LPCAT3: variants seen among roughly 807,000 people sequenced by gnomAD.
LPCAT3 encodes the protein lysophospholipid acyltransferase 5.
In LPCAT3, 21 loss-of-function variants were observed where a neutral mutation model predicts 63.4. The ratio of observed to expected loss-of-function variants is 0.33; its 90% CI spans 0.23 to 0.48. The LOEUF is 0.48. Ranked by LOEUF, LPCAT3 falls within the 20% of genes least tolerant of loss-of-function variation. The probability of loss-of-function intolerance (pLI) is 0.99; values close to 1 mark genes in which losing one functional copy is unlikely to be tolerated. For missense variants in LPCAT3, 451 were observed against 590.6 expected (o/e 0.76, Z 2.45); for synonymous variants, 242 against 227.5 (o/e 1.06, Z -0.58).
At chr12:7,003,931 A>G (rs1345173597) in intron 1 of LPCAT3, among the ~76,000 whole-genome samples, 7 of 149,062 alleles carry the variant, frequency 4.7e-5, no homozygotes, top group Non-Finnish European at 7.4e-5. Context: ...TCCGTCTCAA[A>G]AAAAAAAAAA....
intron 1 of LPCAT3, among the ~76,000 whole-genome samples, chr12:6,993,379 A>G (rs1946606674): frequency 1.3e-5 from 2 of 151,552 alleles, no homozygotes; most frequent in African/African-American, 4.9e-5. Flanking sequence ...GATTGCAGTG[A>G]GCTGAGATTG....
intron 1 of LPCAT3, among the ~76,000 whole-genome samples, chr12:7,002,000 A>G (rs1455989128): frequency 1.2e-4 from 19 of 152,126 alleles, no homozygotes; most frequent in African/African-American, 3.9e-4. Flanking sequence ...CGTATTTTAG[A>G]TGCAGGGGCA....
intron 3 of LPCAT3, 80 bp downstream of exon 3, chr12:6,982,596 T>A (rs1401333623): frequency 6.5e-6 from 7 of 1,071,196 alleles, no homozygotes; most frequent in Non-Finnish European, 1.0e-5. Flanking sequence ...TGCTAATTTC[T>A]ATACCACAGT....
intron 1 of LPCAT3, among the ~76,000 whole-genome samples, chr12:7,013,188 G>A (rs1194159201): frequency 6.6e-6 from 1 of 152,236 alleles, no homozygotes; most frequent in Non-Finnish European, 1.5e-5. Flanking sequence ...GGTGACTGAA[G>A]GGCACTCCAG....
chr12:6,993,969 C>T (rs1555155796), intron 1 of LPCAT3, among the ~76,000 whole-genome samples: 1 of 152,080 alleles, frequency 6.6e-6, no homozygotes, highest in East Asian at 1.9e-4. Context: ...GGGTTGTTTC[C>T]ACTTTAGGAA....
intron 3 of LPCAT3, among the ~76,000 whole-genome samples, chr12:6,982,432 A>G (rs1268113848): frequency 6.6e-6 from 1 of 152,226 alleles, no homozygotes. Context: ...AAAGAGCCTA[A>G]TGGCACAGTA....
Position 7,017,583 on chromosome 12 carries a change from C to T in LPCAT3, c.151+691G>A, listed in dbSNP as rs192418584. Among the ~76,000 whole-genome samples, 11 of 152,242 alleles carry T rather than the reference C, an allele frequency of 7.2e-5. No homozygotes were observed. The East Asian group carries it at 1.9e-3, about 27-fold the overall frequency. On this transcript the variant is annotated intron_variant, in intron 1 of 12. Coordinates refer to ENST00000261407, the MANE Select transcript of LPCAT3 (RefSeq NM_005768.6). The surrounding 1 kb of genome is among the most constrained non-coding windows in gnomAD (Gnocchi z 4.1). ...GCTTGTTGTGGCATAAATTCAGATA[C>T]ACCACATCCTTTGAACCACACGTGT...
chr12:6,995,640 A>G (rs1555155950), intron 1 of LPCAT3, among the ~76,000 whole-genome samples: 1 of 151,560 alleles, frequency 6.6e-6, no homozygotes, highest in African/African-American at 2.4e-5. Flanking sequence ...TATGGATCTC[A>G]CCCTTAAATC....
At chr12:6,991,066 T>C (rs1174649726) in intron 1 of LPCAT3, among the ~76,000 whole-genome samples, 1 of 151,910 alleles carries the variant, frequency 6.6e-6, no homozygotes, top group Admixed American at 6.6e-5. Flanking sequence ...CCCAAAACAA[T>C]CAAAGAAATA....
intron 2 of LPCAT3, chr12:6,983,212 G>T: frequency 2.1e-6 from 1 of 484,276 alleles, no homozygotes; most frequent in Non-Finnish European, 3.7e-6. Flanking sequence ...ATGAGGTATG[G>T]CAAGGGTAAC....
chr12:7,018,403 C>T lies in LPCAT3; in HGVS notation c.22G>A (p.Asp8Asn), dbSNP rs782544965. Residue 8 changes from aspartate (D) to asparagine (N), a missense_variant, in exon 1 of 13, where the codon GAC (aspartate) becomes AAC (asparagine). Around this residue, in one of 3 missense-constraint regions of LPCAT3, gnomAD observed 133 missense variants for 152.1 expected, o/e 0.87. Coordinates refer to ENST00000261407, the MANE Select transcript of LPCAT3 (RefSeq NM_005768.6). The surrounding 1 kb of genome is among the most constrained non-coding windows in gnomAD (Gnocchi z 4.9). Reference sequence around the variant, plus strand: ...GCCAGCGCCACCACAGTCCCCTCGTCCCCCTCCGCTGAGGACGCCATCTTA... The same window carrying T: ...GCCAGCGCCACCACAGTCCCCTCGTTCCCCTCCGCTGAGGACGCCATCTTA... The part of the protein sequence containing the change: MASSAEG[D>N]EGTVVALAGV... 9.3e-6 allele frequency: 15 copies of T among 1,610,232 alleles called. No homozygotes were observed. Among genetic ancestry groups the T allele is most frequent in the Admixed American group, 1.7e-5 (1 of 59,702 alleles).
chr12:6,977,505 C>T lies in LPCAT3; in HGVS notation c.1209G>A (p.Glu403=), dbSNP rs1946420060. 1 of 1,614,054 alleles carries T rather than the reference C, an allele frequency of 6.2e-7. No homozygotes were observed. Among genetic ancestry groups the T allele is most frequent in the Non-Finnish European group, 8.5e-7 (1 of 1,180,040 alleles). Residue 403 remains glutamate, a synonymous_variant, in exon 11 of 13, where the codon GAG becomes GAA. Coordinates refer to ENST00000261407, the MANE Select transcript of LPCAT3 (RefSeq NM_005768.6). This position sits in a 1 kb window ranked among gnomAD's most constrained non-coding sequence, Gnocchi z 4.5. Reference sequence around the variant, plus strand: ...CGGCCAGCTTGCTCAGGGTGGGGCTCTCTTGAATGAGCCTGGCAGCCTGGG... The same window carrying T: ...CGGCCAGCTTGCTCAGGGTGGGGCTTTCTTGAATGAGCCTGGCAGCCTGGG... ...VERQAARLIQ[E]SPTLSKLAAI...
chr12:6,990,139 C>G (rs781798561), intron 1 of LPCAT3, among the ~76,000 whole-genome samples: 2 of 151,456 alleles, frequency 1.3e-5, no homozygotes, highest in Non-Finnish European at 2.9e-5. Flanking sequence ...GATGATGCCA[C>G]TGCACTCCAG....
Position 6,977,665 on chromosome 12 carries a change from T to G in LPCAT3, c.1121A>C (p.His374Pro). 6.2e-7 allele frequency: 1 copy of G among 1,614,226 alleles called. No individual in the cohort carries two copies. ...GLSLLFLALW[H>P]GLHSGYLVCF... Reference sequence around the variant, plus strand: ...GACCAGGTATCCTGAGTGCAGGCCGTGCCAGAGGGCCAGGAATAGCAACGA... The same window carrying G: ...GACCAGGTATCCTGAGTGCAGGCCGGGCCAGAGGGCCAGGAATAGCAACGA... The change falls in exon 10 of 13, where the codon CAC (histidine) becomes CCC (proline). Residue 374 changes from histidine (H) to proline (P), a missense_variant. Coordinates refer to ENST00000261407, the MANE Select transcript of LPCAT3 (RefSeq NM_005768.6). This position sits in a 1 kb window ranked among gnomAD's most constrained non-coding sequence, Gnocchi z 4.5.
At chr12:6,989,074 G>A (rs1555155141) in intron 1 of LPCAT3, among the ~76,000 whole-genome samples, 1 of 150,634 alleles carries the variant, frequency 6.6e-6, no homozygotes, top group Non-Finnish European at 1.5e-5. Flanking sequence ...GGTGAGCCGA[G>A]ATCACGCCAT....
chr12:7,002,082 G>C (rs1946691187), intron 1 of LPCAT3, among the ~76,000 whole-genome samples: 4 of 152,182 alleles, frequency 2.6e-5, no homozygotes, highest in African/African-American at 9.7e-5. Flanking sequence ...TGGGAAAACT[G>C]AAGCCCTCAG....
chr12:6,982,992 G>GT (rs1276646329), intron 2 of LPCAT3: 21 of 632,994 alleles, frequency 3.3e-5, no homozygotes, highest in East Asian at 9.4e-5. Flanking sequence ...TTTTTTGTTT[G>GT]TTTTTTTAGA....
rs375514660 is a variant in LPCAT3, at chr12:6,984,010, C to T, written c.152-471G>A. Among the ~76,000 whole-genome samples, 17 of 152,252 alleles carry T rather than the reference C, an allele frequency of 1.1e-4. No homozygotes were observed. The East Asian group carries it at 2.7e-3, about 24-fold the overall frequency. On this transcript the variant is annotated intron_variant, in intron 1 of 12. Coordinates refer to ENST00000261407, the MANE Select transcript of LPCAT3 (RefSeq NM_005768.6). Reference sequence around the variant, plus strand: ...AACAAGATACAAAGATTTGAGCGTACCCATCTATGCTCCAGAAACACTCAT... The same window carrying T: ...AACAAGATACAAAGATTTGAGCGTATCCATCTATGCTCCAGAAACACTCAT...
At chr12:7,016,283 T>G (rs782056502) in intron 1 of LPCAT3, among the ~76,000 whole-genome samples, 13 of 151,064 alleles carry the variant, frequency 8.6e-5, no homozygotes, top group African/African-American at 2.4e-4. Flanking sequence ...ATTAATTTTT[T>G]TTTTTTTTTT....
Sources: allele counts gnomAD v4.1 joint callset (sites outside exome capture counted in the v4.1 genomes callset), GRCh38; gene constraint gnomAD v4.1.1; regional missense constraint gnomAD v4.1.1; non-coding constraint Gnocchi (gnomAD v3.1); transcripts MANE v1.5; gene names NCBI Gene and HGNC (gene_info 2026-07-23, HGNC 2026-07-21).